GTF2H1: variants seen among roughly 807,000 people sequenced by gnomAD.
The protein encoded by GTF2H1 is general transcription factor IIH subunit 1.
GTF2H1 carries 16 observed loss-of-function variants against 71.2 expected under a neutral mutation model. The ratio of observed to expected loss-of-function variants is 0.22; its 90% CI spans 0.15 to 0.34. The LOEUF is 0.34. Among genes scored for constraint, GTF2H1 ranks in the 10% least tolerant of loss-of-function variants. The pLI, the probability that GTF2H1 is intolerant of heterozygous loss-of-function variation, is 1.00. For synonymous variants in GTF2H1, 215 were observed against 219.0 expected (o/e 0.98, Z 0.16); for missense variants, 498 against 648.2 (o/e 0.77, Z 2.52).
intron 7 of GTF2H1, among the ~76,000 whole-genome samples, chr11:18,342,324 C>CA (rs1210435984): frequency 7.6e-6 from 1 of 131,964 alleles, no homozygotes; most frequent in Admixed American, 8.8e-5. Context: ...TGCAGTGGCG[C>CA]AATCTTGGCT....
intron 1 of GTF2H1, among the ~76,000 whole-genome samples, chr11:18,332,504 G>C (rs1034809919): frequency 2.0e-5 from 3 of 152,200 alleles, no homozygotes; most frequent in Admixed American, 2.0e-4. Context: ...AGCAGTTGAA[G>C]ACATTTGAAT....
intron 7 of GTF2H1, among the ~76,000 whole-genome samples, chr11:18,342,689 G>A (rs912677088): frequency 3.3e-5 from 5 of 152,054 alleles, no homozygotes; most frequent in South Asian, 4.1e-4. Flanking sequence ...GCTTAGTGGC[G>A]CTTAGACTTA....
Position 18,358,043 on chromosome 11 carries a change from G to A in GTF2H1, c.1351+1G>A, listed in dbSNP as rs1434296792. On this transcript the variant is annotated splice_donor_variant, in intron 12 of 14. Transcript: ENST00000265963. LOFTEE classifies it high-confidence loss of function. ...GGAGGAACACAGCAAGCCATAAACC[G>A]TATGTGCCGGGCCATCTTCTACTAC... 5 of 1,604,792 alleles carry A rather than the reference G, an allele frequency of 3.1e-6. No homozygotes were observed. The highest frequency in any genetic ancestry group is 2.2e-5 in the East Asian group (1 of 44,828).
chr11:18,324,469 G>C (rs548503315), intron 1 of GTF2H1, among the ~76,000 whole-genome samples: 1 of 152,216 alleles, frequency 6.6e-6, no homozygotes, highest in South Asian at 2.1e-4. Flanking sequence ...GTCCTGGGTT[G>C]TGAATGCTTC....
chr11:18,334,190 T>C (rs1374420721), intron 2 of GTF2H1, among the ~76,000 whole-genome samples: 1 of 152,114 alleles, frequency 6.6e-6, no homozygotes. Flanking sequence ...CCATCCTGGC[T>C]AACACAATGA....
rs1865109022 is a variant in GTF2H1, at chr11:18,339,593, T to C, written c.543T>C (p.Cys181=). 1 of 1,613,528 alleles carries C rather than the reference T, an allele frequency of 6.2e-7. No individual in the cohort carries two copies. Among genetic ancestry groups the C allele is most frequent in the Admixed American group, 1.7e-5 (1 of 60,006 alleles). The change falls in exon 5 of 15, where the codon TGT becomes TGC. Residue 181 remains cysteine (C), a synonymous_variant. Coordinates refer to ENST00000265963, the MANE Select transcript of GTF2H1 (RefSeq NM_005316.4). ...ATGTCCGGCCCCAAACTGATGGCTG[T>C]AACGGTCTAAGATATAATTTAACTT... ...LADVRPQTDG[C]NGLRYNLTSD...
chr11:18,356,178 G>T (rs1038323579), intron 11 of GTF2H1, among the ~76,000 whole-genome samples: 6 of 152,018 alleles, frequency 3.9e-5, no homozygotes, highest in African/African-American at 1.4e-4. Context: ...GAGAGCTCTA[G>T]ACCACCCTGG....
At chr11:18,362,381 A>G (rs1171708116) in intron 14 of GTF2H1, among the ~76,000 whole-genome samples, 1 of 152,212 alleles carries the variant, frequency 6.6e-6, no homozygotes, top group Admixed American at 6.5e-5. Context: ...ATTACTGTAC[A>G]CTACTGCAGA....
At chr11:18,325,839 C>A (rs989381193) in intron 1 of GTF2H1, 3 of 152,202 alleles carry the variant, frequency 2.0e-5, no homozygotes, top group Non-Finnish European at 1.5e-5. Context: ...AAGTCTTAGA[C>A]CATTTCATAA....
chr11:18,324,480 C>T (rs1179981539), intron 1 of GTF2H1, among the ~76,000 whole-genome samples: 1 of 152,184 alleles, frequency 6.6e-6, no homozygotes, highest in Non-Finnish European at 1.5e-5. Flanking sequence ...TGAATGCTTC[C>T]TGTGTGTACT....
At chr11:18,337,417 C>G (rs1164329250) in intron 3 of GTF2H1, among the ~76,000 whole-genome samples, 1 of 152,066 alleles carries the variant, frequency 6.6e-6, no homozygotes, top group East Asian at 1.9e-4. Flanking sequence ...TGCACTCTAG[C>G]CTGGGTGACA....
At position 18,352,398 on chromosome 11, in the gene GTF2H1, T is replaced by C; in HGVS notation, c.1212T>C (p.Phe404=). ...CAAGTCAGGACATTATTAATTCTTT[T>C]CAAAGTATTAGACAAGAAATGGAAG... ...YATSQDIINS[F]QSIRQEMEAY... Residue 404 remains phenylalanine (F), a synonymous_variant, in exon 11 of 15, where the codon TTT becomes TTC. Transcript: ENST00000265963. 2 of 1,582,860 alleles carry C rather than the reference T, an allele frequency of 1.3e-6. No homozygotes were observed. The highest frequency in any genetic ancestry group is 1.7e-6 in the Non-Finnish European group (2 of 1,151,794).
At position 18,351,917 on chromosome 11, in the gene GTF2H1, G is replaced by T; in HGVS notation, c.1090G>T (p.Gly364Trp). ...LQESIEYEDL[G>W]KNNSVKTIAL... The stretch of plus-strand genomic sequence containing the variant: ...AGAGTCCATTGAATATGAAGACTTG[G>T]GGAAAAATAATTCTGTAAAAACGAT... Residue 364 changes from glycine (G) to tryptophan (W), a missense_variant, in exon 10 of 15, where the codon GGG becomes TGG. Gly to Trp is a radical substitution (Grantham distance 184). Transcript: ENST00000265963. 6.3e-7 allele frequency: 1 copy of T among 1,597,612 alleles called. No individual in the cohort carries two copies. The highest frequency in any genetic ancestry group is 1.1e-5 in the South Asian group (1 of 90,696).
At chr11:18,340,092 T>TCTTA (rs1865123185) in intron 5 of GTF2H1, among the ~76,000 whole-genome samples, 1 of 152,120 alleles carries the variant, frequency 6.6e-6, no homozygotes, top group African/African-American at 2.4e-5. Flanking sequence ...TCTTCCCCAC[T>TCTTA]CTTACCCCTT....
intron 7 of GTF2H1, 99 bp from the exon 8 acceptor site, chr11:18,347,488 TA>T (rs1865320222): frequency 2.9e-6 from 2 of 680,430 alleles, no homozygotes; most frequent in East Asian, 5.6e-5. Flanking sequence ...TGAGAAGTAA[TA>T]AAAGTCCCAT....
At chr11:18,329,558 C>CA (rs1864846519) in intron 1 of GTF2H1, among the ~76,000 whole-genome samples, 1 of 152,204 alleles carries the variant, frequency 6.6e-6, no homozygotes, top group South Asian at 2.1e-4. Flanking sequence ...CTCCCCTATT[C>CA]AAAAGTCTTC....
intron 1 of GTF2H1, among the ~76,000 whole-genome samples, chr11:18,322,979 C>T (rs763284647): frequency 8.5e-5 from 13 of 152,198 alleles, no homozygotes; most frequent in Non-Finnish European, 1.6e-4. Flanking sequence ...TTACCCAAAG[C>T]CAGGATCAGA....
intron 11 of GTF2H1, among the ~76,000 whole-genome samples, chr11:18,354,380 T>A (rs1355109197): frequency 6.6e-6 from 1 of 152,236 alleles, no homozygotes; most frequent in Non-Finnish European, 1.5e-5. Context: ...GGAGCTGTAC[T>A]TTGAGACTAT....
At chr11:18,358,301 T>C (rs1404766647) in intron 12 of GTF2H1, among the ~76,000 whole-genome samples, 1 of 152,178 alleles carries the variant, frequency 6.6e-6, no homozygotes, top group Non-Finnish European at 1.5e-5. Context: ...CTCCCCTACC[T>C]CTTAGAATAA....
Sources: gnomAD v4.1 joint callset for allele counts (sites outside exome capture counted in the v4.1 genomes callset) on GRCh38, gnomAD v4.1.1 for gene constraint, MANE v1.5 for transcripts, NCBI Gene and HGNC (gene_info 2026-07-23, HGNC 2026-07-21) for gene names.